GSE1: variants seen among roughly 807,000 people sequenced by gnomAD.
GSE1 encodes the protein genetic suppressor element 1.
Under a neutral mutation model 112.6 loss-of-function variants are expected in GSE1, and 32 were observed. The observed-to-expected ratio is 0.28, with a 90% CI of 0.21 to 0.38. The LOEUF (loss-of-function observed/expected upper bound fraction) is 0.38, where lower values mean the gene tolerates loss of function less well. GSE1 is among the 10% of genes least tolerant of loss of function. The pLI is 1.00. For missense variants in GSE1, 2,348 were observed against 1,699.2 expected (o/e 1.38, Z -6.71); for synonymous variants, 1,115 against 735.6 (o/e 1.52, Z -8.35).
chr16:85,493,656 G>C (rs1232125647), intron 2 of GSE1, among the ~76,000 whole-genome samples: 1 of 152,124 alleles, frequency 6.6e-6, no homozygotes, highest in Non-Finnish European at 1.5e-5. Context: ...GGGAGGCTGA[G>C]GCAGGAGAAT....
At chr16:85,591,640 G>T (rs906929330) in intron 1 of GSE1, among the ~76,000 whole-genome samples, 8 of 152,222 alleles carry the variant, frequency 5.3e-5, no homozygotes, top group African/African-American at 1.9e-4. Flanking sequence ...GGGTGCTGGG[G>T]GCTCCTGGCT....
intron 2 of GSE1, among the ~76,000 whole-genome samples, chr16:85,470,310 C>T (rs1218896575): frequency 6.6e-6 from 1 of 152,162 alleles, no homozygotes; most frequent in Admixed American, 6.5e-5. Context: ...CTGTGGGGCT[C>T]GGCGCCCCTC....
Position 85,499,928 on chromosome 16 carries a change from A to G in GSE1, c.2465-133986A>G, listed in dbSNP as rs888347811. 5.3e-5 allele frequency among the ~76,000 whole-genome samples: 8 copies of G among 152,352 alleles called. 1 individual carries two copies. The highest frequency in any genetic ancestry group is 1.9e-4 in the East Asian group (1 of 5,184). On this transcript the variant is annotated intron_variant, in intron 2 of 2. Coordinates refer to the GSE1 transcript ENST00000637419. ...AAAGGCAAAAGTGGAAGCAAGACCC[A>G]TGGAGACGTTTCTTCATTTGGATTC...
At chr16:85,670,485 GTATCCA>G (rs2053240955) in intron 14 of GSE1, 1 of 152,060 alleles carries the variant, frequency 6.6e-6, no homozygotes, top group Non-Finnish European at 1.5e-5. Context: ...TTGTACTTTG[GTATCCA>G]GATTGTGAGC....
At chr16:85,650,438 AG>A (rs1285173212) in intron 3 of GSE1, among the ~76,000 whole-genome samples, 1 of 152,142 alleles carries the variant, frequency 6.6e-6, no homozygotes, top group Non-Finnish European at 1.5e-5. Context: ...AGCTTCTACC[AG>A]CCAGGACCCT....
At chr16:85,516,802 T>TC (rs1555525678) in intron 2 of GSE1, among the ~76,000 whole-genome samples, 1 of 148,998 alleles carries the variant, frequency 6.7e-6, no homozygotes, top group East Asian at 2.0e-4. Context: ...TTGGTTCTTT[T>TC]TTTTTTTTTT....
At chr16:85,552,149 C>T (rs1045637912), upstream of GSE1, among the ~76,000 whole-genome samples, 6 of 152,028 alleles carry the variant, frequency 3.9e-5, no homozygotes, top group Non-Finnish European at 5.9e-5. Flanking sequence ...CCTCAGCCTC[C>T]CCAGAAGCTG....
In GSE1 at chr16:85,366,232, G is replaced by GC. The variant is rs533435043; in HGVS notation, c.2464+8594dup. Among the ~76,000 whole-genome samples the GC allele has an allele frequency of 1.7e-3, 258 of 152,360 alleles. 2 individuals are homozygous for GC. The highest frequency in any genetic ancestry group is 2.7e-3 in the Non-Finnish European group (183 of 68,030). On this transcript the variant is annotated intron_variant, in intron 2 of 2. Transcript: ENST00000637419. Reference sequence around the variant, plus strand: ...TGACACCAGGCGCTCCCAGAGCTCTGCCCCCACTGCCAAGCGGCAGCTGCT... The same window carrying GC: ...TGACACCAGGCGCTCCCAGAGCTCTGCCCCCCACTGCCAAGCGGCAGCTGCT...
intron 2 of GSE1, among the ~76,000 whole-genome samples, chr16:85,403,029 C>T (rs1567738720): frequency 6.6e-6 from 1 of 152,100 alleles, no homozygotes; most frequent in African/African-American, 2.4e-5. Context: ...TGGGTATCAG[C>T]CTTCCCCAGC....
At chr16:85,627,834 A>T (rs1436629726) in intron 1 of GSE1, among the ~76,000 whole-genome samples, 3 of 152,202 alleles carry the variant, frequency 2.0e-5, no homozygotes, top group African/African-American at 7.2e-5. Flanking sequence ...TGAGGGCAGC[A>T]GGGGGGTGTG....
chr16:85,253,754 G>A lies in GSE1; in HGVS notation c.2283+81947G>A, dbSNP rs150804583. Among the ~76,000 whole-genome samples, 52 of 152,284 alleles carry A rather than the reference G, an allele frequency of 3.4e-4. 1 individual carries two copies. The East Asian group carries it at 9.9e-3, about 29-fold the overall frequency. ...GTGCTCCCGGTGGAGGGAACTGTGC[G>A]TGCAAAGGCCAGGAGGTGGGACAGG... On this transcript the variant is annotated intron_variant, in intron 1 of 2. Coordinates refer to the GSE1 transcript ENST00000637419.
At chr16:85,596,734 C>T (rs922589862) in intron 1 of GSE1, among the ~76,000 whole-genome samples, 2 of 152,164 alleles carry the variant, frequency 1.3e-5, no homozygotes, top group Non-Finnish European at 2.9e-5. Flanking sequence ...GGACAACGTT[C>T]TCTTCATCAT....
At chr16:85,207,696 C>CA (rs2075144528) in intron 1 of GSE1, 1 of 152,256 alleles carries the variant, frequency 6.6e-6, no homozygotes, top group South Asian at 2.1e-4. Context: ...ATGAGCCCAT[C>CA]ACCCTCTCCA....
intron 1 of GSE1, among the ~76,000 whole-genome samples, chr16:85,178,856 G>A (rs1182582811): frequency 1.3e-5 from 2 of 149,320 alleles, no homozygotes; most frequent in African/African-American, 5.0e-5. Flanking sequence ...ACTGAGGGAC[G>A]GTGAGGAGGG....
At chr16:85,659,714 G>T (rs564360400) in intron 8 of GSE1, 3 of 152,238 alleles carry the variant, frequency 2.0e-5, no homozygotes, top group Non-Finnish European at 4.4e-5. Context: ...AAATAGCCCT[G>T]TGAGTAGATT....
At chr16:85,399,147 G>A (rs1481169995) in intron 2 of GSE1, among the ~76,000 whole-genome samples, 4 of 152,170 alleles carry the variant, frequency 2.6e-5, no homozygotes, top group African/African-American at 9.7e-5. Context: ...TGGCTTGTGT[G>A]TGTCTGTATT....
At position 85,309,690 on chromosome 16, in the gene GSE1, A is replaced by G. The variant is rs117717095; in HGVS notation, c.2284-47773A>G. On this transcript the variant is annotated intron_variant, in intron 1 of 2. Coordinates refer to the GSE1 transcript ENST00000637419. ...GCTCTGCAGACGCCATTTGGGGCTA[A>G]TGATCCATTCTCAGCTGCTGTCTGA... is the stretch of plus-strand genomic sequence containing the variant. 1.6e-4 allele frequency among the ~76,000 whole-genome samples: 24 copies of G among 152,340 alleles called. No homozygotes were observed. In the East Asian group the frequency reaches 4.4e-3, roughly 28 times the overall value.
At chr16:85,655,306 G>A (rs1219532095) in intron 5 of GSE1, among the ~76,000 whole-genome samples, 1 of 152,232 alleles carries the variant, frequency 6.6e-6, no homozygotes, top group Non-Finnish European at 1.5e-5. Context: ...GCGATGCTTT[G>A]CTGTGTAGCA....
rs898086321 is a variant in GSE1, at chr16:85,336,048, G to A, written c.2284-21415G>A. Among the ~76,000 whole-genome samples the A allele has an allele frequency of 4.6e-5, 7 of 152,164 alleles. No individual in the cohort carries two copies. In the East Asian group the frequency reaches 1.2e-3, roughly 25 times the overall value. The stretch of plus-strand genomic sequence containing the variant: ...GCCTTCCTGGGACCCTAGTGTCTCC[G>A]AGATATGGAGGAACAGGGCGTGGAG... On this transcript the variant is annotated intron_variant, in intron 1 of 2. Coordinates refer to the GSE1 transcript ENST00000637419.
Sources: gnomAD v4.1 joint callset for allele counts (sites outside exome capture counted in the v4.1 genomes callset) on GRCh38, gnomAD v4.1.1 for gene constraint, MANE v1.5 for transcripts, NCBI Gene and HGNC (gene_info 2026-07-23, HGNC 2026-07-21) for gene names.